MEIS3: variants seen among roughly 807,000 people sequenced by gnomAD.
MEIS3 encodes homeobox protein Meis3.
Under a neutral mutation model 51.4 loss-of-function variants are expected in MEIS3, and 38 were observed. That is an observed-to-expected ratio of 0.74 (90% CI 0.57 to 0.97). The LOEUF (loss-of-function observed/expected upper bound fraction) is 0.97. MEIS3 is among the 50% of genes least tolerant of loss of function. The pLI is 0.00. For missense variants in MEIS3, 456 were observed against 502.6 expected, an observed-to-expected ratio of 0.91 and a Z score of 0.89; for synonymous variants, 198 against 201.8, an observed-to-expected ratio of 0.98 and a Z score of 0.16.
chr19:47,406,885 T>A lies in MEIS3; in HGVS notation c.1078+3A>T, dbSNP rs762088146. On this transcript the variant is annotated splice_donor_region_variant and intron_variant, in intron 11 of 12. Coordinates refer to ENST00000558555, the MANE Select transcript of MEIS3 (RefSeq NM_001301059.2). Reference sequence around the variant, plus strand: ...GGGGCCTAGCTAAGGGGGCGAGGCTTACCCGGAGGCCGGACGGCCACGTGT... The same window carrying A: ...GGGGCCTAGCTAAGGGGGCGAGGCTAACCCGGAGGCCGGACGGCCACGTGT... The A allele has an allele frequency of 3.2e-6, 5 of 1,567,738 alleles. No homozygotes were observed. The Admixed American group carries it at 5.5e-5, about 17-fold the overall frequency.
chr19:47,420,910 T>TCTCTCACA (rs1457117398), upstream of MEIS3, among the ~76,000 whole-genome samples: 17 of 70,784 alleles, frequency 2.4e-4, no homozygotes, highest in Admixed American at 1.1e-3. Flanking sequence ...TCTCTCTCTC[T>TCTCTCACA]CACACACACA....
chr19:47,416,574 C>A (rs1163610475), intron 4 of MEIS3, 78 bp downstream of exon 4: 11 of 1,247,694 alleles, frequency 8.8e-6, no homozygotes, highest in Admixed American at 2.9e-5. Flanking sequence ...CTGCACCCCC[C>A]CCACCAACCC....
At chr19:47,411,026 TC>T (rs1256905885) in intron 6 of MEIS3, among the ~76,000 whole-genome samples, 2 of 152,122 alleles carry the variant, frequency 1.3e-5, no homozygotes, top group African/African-American at 4.8e-5. Flanking sequence ...AGCCTCTGCC[TC>T]CCAGGTTCAC....
chr19:47,406,062 T>A (rs1970800795), intron 12 of MEIS3: 1 of 161,086 alleles, frequency 6.2e-6, no homozygotes, highest in South Asian at 1.9e-4. Context: ...GGGTGGTTGG[T>A]CAGTGTGGAG....
upstream of MEIS3, among the ~76,000 whole-genome samples, chr19:47,421,052 G>A (rs1202263091): frequency 6.6e-6 from 1 of 151,690 alleles, no homozygotes; most frequent in East Asian, 1.9e-4. Flanking sequence ...CAGGCCTGGT[G>A]CTGGAGCGGG....
Position 47,409,288 on chromosome 19 carries a change from AG to A in MEIS3, c.710-42del, listed in dbSNP as rs762402772. On this transcript the variant is annotated intron_variant, in intron 7 of 12. Transcript: ENST00000558555. Reference sequence around the variant, plus strand: ...CATGCTGTGTGTGTGGGTAGTGAAGAGTGGAGGACCAGAGGGCCCCAGAACT... The same window carrying A: ...CATGCTGTGTGTGTGGGTAGTGAAGATGGAGGACCAGAGGGCCCCAGAACT... The A allele has an allele frequency of 2.5e-6, 4 of 1,591,688 alleles. No homozygotes were observed. The Admixed American group carries it at 7.2e-5, about 29-fold the overall frequency.
intron 6 of MEIS3, among the ~76,000 whole-genome samples, chr19:47,411,660 C>T (rs1971141278): frequency 6.6e-6 from 1 of 151,512 alleles, no homozygotes; most frequent in Non-Finnish European, 1.5e-5. Context: ...CCTGCCTCAG[C>T]CTCCCGAGTA....
chr19:47,421,207 C>G (rs1971706684), upstream of MEIS3, among the ~76,000 whole-genome samples: 1 of 152,110 alleles, frequency 6.6e-6, no homozygotes, highest in African/African-American at 2.4e-5. Context: ...TCCCAGTCTG[C>G]AGGGGTCTCC....
rs922730791 is a variant in MEIS3 at position 47,403,241 on chromosome 19, T to C, written c.*330A>G. ...TCGGATCCGGGCGACCCTCCTTCCC[T>C]GACTGCCCAGCCACCCCGTCCCTTC... On this transcript the variant is annotated 3_prime_UTR_variant, in exon 13 of 13. Coordinates refer to ENST00000558555, the MANE Select transcript of MEIS3 (RefSeq NM_001301059.2). 1 of 334,580 alleles carries C rather than the reference T, an allele frequency of 3.0e-6. No homozygotes were observed. The highest frequency in any genetic ancestry group is 5.9e-6 in the Non-Finnish European group (1 of 169,788). The allele number at this position is 334,580 out of a possible 1,614,324, so 20.7% of individuals were successfully genotyped here.
chr19:47,417,914 TCCC>T (rs71962567), intron 1 of MEIS3: 3 of 500,126 alleles, frequency 6.0e-6, no homozygotes, highest in African/African-American at 4.3e-5. Flanking sequence ...CACACCCAAA[TCCC>T]CCCCCCCACA....
chr19:47,407,452 T>G, intron 8 of MEIS3, 24 bp from the exon 9 acceptor site: 1 of 1,613,754 alleles, frequency 6.2e-7, no homozygotes, highest in Non-Finnish European at 8.5e-7. Flanking sequence ...CAAGAGTCAC[T>G]CTGCCTGCCT....
At chr19:47,421,912 G>A (rs1315677405), upstream of MEIS3, among the ~76,000 whole-genome samples, 5 of 147,148 alleles carry the variant, frequency 3.4e-5, no homozygotes, top group Non-Finnish European at 6.0e-5. Context: ...CCCCCCCACC[G>A]TATCCTCCCT....
chr19:47,414,652 C>T, intron 6 of MEIS3, 65 bp downstream of exon 6: 3 of 1,525,514 alleles, frequency 2.0e-6, no homozygotes, highest in Non-Finnish European at 2.6e-6. Context: ...GCACATGCGC[C>T]CTCATGCGGT....
intron 5 of MEIS3, 54 bp downstream of exon 5, chr19:47,414,997 A>AG (rs1971334510): frequency 1.5e-6 from 1 of 654,256 alleles, no homozygotes; most frequent in Non-Finnish European, 2.0e-6. Context: ...AGGCGACGAG[A>AG]GGGGGTGGGA....
intron 6 of MEIS3, 110 bp downstream of exon 6, chr19:47,414,607 C>G (rs1339411555): frequency 8.4e-6 from 11 of 1,313,522 alleles, no homozygotes; most frequent in African/African-American, 2.9e-5. Flanking sequence ...GCCCTGTGAT[C>G]AGGCTGACTG....
chr19:47,407,317 C>G (rs768743703), intron 9 of MEIS3, 35 bp downstream of exon 9: 1 of 1,602,028 alleles, frequency 6.2e-7, no homozygotes, highest in Non-Finnish European at 8.5e-7. Flanking sequence ...GGCTCTCGCC[C>G]CGGGCCGGCC....
rs1308742476 is a variant in MEIS3, at chr19:47,416,456, G to A, written c.396+196C>T. On this transcript the variant is annotated intron_variant, in intron 4 of 12. Coordinates refer to ENST00000558555, the MANE Select transcript of MEIS3 (RefSeq NM_001301059.2). Reference sequence around the variant, plus strand: ...ACAGAGCTGGTGAGTGGCAGAGCTGGGATTTGAACTCGGGCCATGGGTCCC... The same window carrying A: ...ACAGAGCTGGTGAGTGGCAGAGCTGAGATTTGAACTCGGGCCATGGGTCCC... 8.0e-5 allele frequency: 43 copies of A among 540,748 alleles called. No individual in the cohort carries two copies. The East Asian group carries it at 1.4e-3, about 18-fold the overall frequency. The allele number at this position is 540,748 out of a possible 1,614,324, so 33.5% of individuals were successfully genotyped here. A position where few individuals can be genotyped will look rare whatever the true frequency, so the allele number is the denominator to read the frequency against.
chr19:47,419,741 C>T (rs945287258), upstream of MEIS3, among the ~76,000 whole-genome samples: 7 of 151,534 alleles, frequency 4.6e-5, no homozygotes, highest in Admixed American at 3.3e-4. Context: ...GGCTGGGGTT[C>T]CTGCTCCGGG....
intron 5 of MEIS3, 37 bp from the exon 6 acceptor site, chr19:47,414,903 CG>C: frequency 4.0e-6 from 2 of 497,764 alleles, no homozygotes; most frequent in Non-Finnish European, 2.9e-6. Context: ...GGGCCACCCA[CG>C]GGGGCAGGGC....
Sources: allele counts gnomAD v4.1 joint callset (sites outside exome capture counted in the v4.1 genomes callset), GRCh38; gene constraint gnomAD v4.1.1; transcripts MANE v1.5; gene names NCBI Gene and HGNC (gene_info 2026-07-23, HGNC 2026-07-21).